RANBP2: variants seen among roughly 807,000 people sequenced by gnomAD.
The protein encoded by RANBP2 is E3 SUMO-protein ligase RanBP2.
A neutral mutation model predicts 303.6 loss-of-function variants in RANBP2; 57 were observed. That is an observed-to-expected ratio of 0.19 (90% CI 0.15 to 0.23). The LOEUF (loss-of-function observed/expected upper bound fraction) is 0.23. Among genes scored for constraint, RANBP2 ranks in the 10% least tolerant of loss-of-function variants. The pLI, the probability that RANBP2 is intolerant of heterozygous loss-of-function variation, is 1.00. For missense variants in RANBP2, 3,138 were observed against 3,780.8 expected, an observed-to-expected ratio of 0.83 and a Z score of 4.46; for synonymous variants, 1,167 against 1,301.5, an observed-to-expected ratio of 0.90 and a Z score of 2.23.
At chr2:108,880,375 A>C in the RANBP2 span, among the ~76,000 whole-genome samples, 1 of 152,210 alleles carries the variant, frequency 6.6e-6, no homozygotes, top group Non-Finnish European at 1.5e-5. Context: ...TGGAAATCCT[A>C]TTCAAAATCC....
At chr2:109,506,193 G>T in the RANBP2 span, among the ~76,000 whole-genome samples, 16,533 of 152,242 alleles carry the variant, frequency 0.11, 957 homozygotes, top group East Asian at 0.22. Flanking sequence ...TGGGCCTTCA[G>T]TTGAGGCCTC....
the RANBP2 span, chr2:108,812,703 T>A: frequency 1.2e-6 from 2 of 1,608,566 alleles, no homozygotes; most frequent in Non-Finnish European, 1.7e-6. Flanking sequence ...TTTAGATAAT[T>A]TACAGGTAAG....
At chr2:109,398,843 C>T in the RANBP2 span, 1 of 1,613,952 alleles carries the variant, frequency 6.2e-7, no homozygotes, top group Non-Finnish European at 8.5e-7. Context: ...CACAGGCATT[C>T]CATGGAAATT....
At chr2:109,044,955 G>A in the RANBP2 span, among the ~76,000 whole-genome samples, 3 of 152,190 alleles carry the variant, frequency 2.0e-5, no homozygotes, top group Non-Finnish European at 4.4e-5. Context: ...TACAGGAAAA[G>A]GATTTACTGT....
the RANBP2 span, among the ~76,000 whole-genome samples, chr2:109,212,115 C>T: frequency 8.5e-5 from 13 of 152,120 alleles, no homozygotes; most frequent in African/African-American, 2.7e-4. Context: ...TGCGGCTTGC[C>T]GGGCAATGGT....
chr2:108,975,387 C>A, the RANBP2 span, among the ~76,000 whole-genome samples: 2 of 152,310 alleles, frequency 1.3e-5, no homozygotes, highest in African/African-American at 4.8e-5. Flanking sequence ...CAGCCCTGGG[C>A]ACAGCATCAG....
chr2:108,950,138 T>C, the RANBP2 span, among the ~76,000 whole-genome samples: 1 of 152,204 alleles, frequency 6.6e-6, no homozygotes, highest in Non-Finnish European at 1.5e-5. Context: ...TGTTCAGCCC[T>C]ACAAGGCAGA....
chr2:109,039,408 C>T, the RANBP2 span, among the ~76,000 whole-genome samples: 1,029 of 152,184 alleles, frequency 6.8e-3, 6 homozygotes, highest in East Asian at 0.035. Context: ...TGGAGTGCAG[C>T]AGCGCGATCT....
At chr2:109,235,288 A>G in the RANBP2 span, among the ~76,000 whole-genome samples, 10 of 152,180 alleles carry the variant, frequency 6.6e-5, no homozygotes, top group Admixed American at 2.6e-4. Context: ...TCTCACTGCA[A>G]GGTCTTTCTT....
At chr2:109,399,641 A>G in the RANBP2 span, among the ~76,000 whole-genome samples, 1 of 152,230 alleles carries the variant, frequency 6.6e-6, no homozygotes, top group African/African-American at 2.4e-5. Flanking sequence ...ATAAAATAAA[A>G]TGATTAAAAA....
At chr2:109,220,485 A>C in the RANBP2 span, among the ~76,000 whole-genome samples, 4 of 152,248 alleles carry the variant, frequency 2.6e-5, no homozygotes, top group African/African-American at 9.6e-5. Flanking sequence ...GAGAGTGAAA[A>C]GATAACCTAA....
chr2:109,356,006 A>AT, the RANBP2 span, among the ~76,000 whole-genome samples: 2 of 152,178 alleles, frequency 1.3e-5, no homozygotes, highest in East Asian at 1.9e-4. Flanking sequence ...TTTCCAGAAC[A>AT]CACCAGATTT....
the RANBP2 span, among the ~76,000 whole-genome samples, chr2:109,526,241 G>A: frequency 1.1e-3 from 161 of 152,264 alleles, no homozygotes; most frequent in Non-Finnish European, 1.9e-3. Context: ...TTTAAGCCCA[G>A]GGCTGCCTGC....
the RANBP2 span, among the ~76,000 whole-genome samples, chr2:109,024,111 G>A: frequency 5.9e-5 from 9 of 152,184 alleles, no homozygotes; most frequent in South Asian, 1.2e-3. Context: ...TTTTAGTAGA[G>A]ACGGGGTTTC....
At chr2:109,135,278 T>C in the RANBP2 span, among the ~76,000 whole-genome samples, 11 of 152,176 alleles carry the variant, frequency 7.2e-5, no homozygotes, top group African/African-American at 2.7e-4. Context: ...GGACTGCCTT[T>C]TCTCCTGAGG....
At chr2:109,583,940 T>C in the RANBP2 span, among the ~76,000 whole-genome samples, 96 of 152,120 alleles carry the variant, frequency 6.3e-4, 1 homozygote, top group Non-Finnish European at 1.6e-4. Context: ...ATCTAAACAT[T>C]GGGTACACAT....
At chr2:109,688,585 G>T in the RANBP2 span, among the ~76,000 whole-genome samples, 1 of 151,746 alleles carries the variant, frequency 6.6e-6, no homozygotes, top group African/African-American at 2.4e-5. Flanking sequence ...GACCATCCTG[G>T]CCAACCAACG....
chr2:108,980,464 T>C, the RANBP2 span, among the ~76,000 whole-genome samples: 1 of 152,080 alleles, frequency 6.6e-6, no homozygotes, highest in Non-Finnish European at 1.5e-5. Flanking sequence ...TAGGTTCAAA[T>C]ATATATATAT....
chr2:108,837,294 G>A, the RANBP2 span, among the ~76,000 whole-genome samples: 1 of 152,222 alleles, frequency 6.6e-6, no homozygotes, highest in East Asian at 1.9e-4. Context: ...TGAAATAATC[G>A]TGTGGGTTTT....
Sources: gnomAD v4.1 joint callset for allele counts (sites outside exome capture counted in the v4.1 genomes callset) on GRCh38, gnomAD v4.1.1 for gene constraint, MANE v1.5 for transcripts, NCBI Gene and HGNC (gene_info 2026-07-23, HGNC 2026-07-21) for gene names.